Variants in LRRC49 observed in about 807,000 individuals in gnomAD.
The protein encoded by LRRC49 is leucine-rich repeat-containing protein 49.
A neutral mutation model predicts 83.3 loss-of-function variants in LRRC49; 50 were observed. That is an observed-to-expected ratio of 0.60 (90% CI 0.48 to 0.76). The LOEUF (loss-of-function observed/expected upper bound fraction) is 0.76. Among genes scored for constraint, LRRC49 ranks in the 30% least tolerant of loss-of-function variants. The probability of loss-of-function intolerance (pLI) is 0.00; values close to 1 mark genes in which losing one functional copy is unlikely to be tolerated. For synonymous variants in LRRC49, 286 were observed against 283.3 expected, an observed-to-expected ratio of 1.01 and a Z score of -0.10; for missense variants, 704 against 809.1, an observed-to-expected ratio of 0.87 and a Z score of 1.58.
intron 5 of LRRC49, 38 bp downstream of exon 5, chr15:70,904,793 T>A: frequency 6.9e-7 from 1 of 1,446,736 alleles, no homozygotes; most frequent in Non-Finnish European, 9.6e-7. Context: ...CCTAATGTTA[T>A]GTGTAGGATT....
At chr15:71,008,196 A>G (rs553365505) in intron 11 of LRRC49, among the ~76,000 whole-genome samples, 183 bp from the exon 12 acceptor site, 1 of 152,074 alleles carries the variant, frequency 6.6e-6, no homozygotes, top group South Asian at 2.1e-4. Flanking sequence ...AAATTAAAAT[A>G]TATGATTAGA....
At chr15:70,887,070 T>A (rs1344250021) in intron 2 of LRRC49, among the ~76,000 whole-genome samples, 1 of 152,076 alleles carries the variant, frequency 6.6e-6, no homozygotes, top group Non-Finnish European at 1.5e-5. Flanking sequence ...ATACTATTTA[T>A]CAAAATGGAT....
At chr15:70,977,011 C>G (rs552638371) in intron 9 of LRRC49, among the ~76,000 whole-genome samples, 1 of 152,222 alleles carries the variant, frequency 6.6e-6, no homozygotes, top group South Asian at 2.1e-4. Context: ...AGCTCAAATT[C>G]TTTTCAAAAA....
chr15:71,012,063 C>CAGTTATTT (rs1164062552), intron 13 of LRRC49, among the ~76,000 whole-genome samples: 5 of 152,072 alleles, frequency 3.3e-5, no homozygotes, highest in African/African-American at 4.8e-5. Context: ...AACATGTCTC[C>CAGTTATTT]AGACATTGCC....
chr15:71,029,296 A>G (rs149620386), intron 14 of LRRC49, among the ~76,000 whole-genome samples: 1 of 152,164 alleles, frequency 6.6e-6, no homozygotes, highest in East Asian at 1.9e-4. Context: ...TTCAATTTCC[A>G]TGTAGTCCCA....
intron 8 of LRRC49, among the ~76,000 whole-genome samples, chr15:70,937,859 C>T (rs1326105355): frequency 6.6e-6 from 1 of 152,044 alleles, no homozygotes; most frequent in Non-Finnish European, 1.5e-5. Flanking sequence ...TCATATTCCT[C>T]TTAGTATATT....
At chr15:70,967,425 A>G (rs575553718) in intron 9 of LRRC49, among the ~76,000 whole-genome samples, 3 of 152,216 alleles carry the variant, frequency 2.0e-5, no homozygotes, top group East Asian at 3.9e-4. Context: ...AGAAGCAAGG[A>G]GATTAATCAG....
At chr15:70,945,521 G>C (rs1246324088) in intron 8 of LRRC49, among the ~76,000 whole-genome samples, 2 of 97,642 alleles carry the variant, frequency 2.0e-5, no homozygotes, top group African/African-American at 8.3e-5. Flanking sequence ...TTAACAACCT[G>C]TGTGTGTGTG....
intron 8 of LRRC49, among the ~76,000 whole-genome samples, chr15:70,954,495 A>AGACAT (rs1488426703): frequency 6.6e-6 from 1 of 152,196 alleles, no homozygotes; most frequent in African/African-American, 2.4e-5. Flanking sequence ...GGAGGTAAGA[A>AGACAT]GACATGCTGG....
At chr15:71,043,074 C>CT (rs1411818989) in intron 15 of LRRC49, among the ~76,000 whole-genome samples, 1 of 152,114 alleles carries the variant, frequency 6.6e-6, no homozygotes, top group Non-Finnish European at 1.5e-5. Context: ...TTTTAGTTGA[C>CT]TTTTTATATG....
In LRRC49 at chr15:70,859,614, A is replaced by C. The variant is rs2032736921; in HGVS notation, c.-299+6145A>C. ...GCTGGGAAGCTTGGGCATGACCTGC[A>C]GCCTATAAAGACTGAGATCTCCGAG... is the stretch of plus-strand genomic sequence containing the variant. On this transcript the variant is annotated intron_variant, in intron 1 of 16. Coordinates refer to the LRRC49 transcript ENST00000544974. 3.7e-5 allele frequency: 24 copies of C among 642,200 alleles called. 1 individual carries two copies. Among genetic ancestry groups the C allele is most frequent in the South Asian group, 3.1e-4 (22 of 71,374 alleles). The allele number at this position is 642,200 out of a possible 1,614,324, so 39.8% of individuals were successfully genotyped here.
chr15:70,964,971 G>A (rs1004894403), intron 9 of LRRC49, among the ~76,000 whole-genome samples: 2 of 152,144 alleles, frequency 1.3e-5, no homozygotes, highest in African/African-American at 4.8e-5. Flanking sequence ...TAAAAGTGTG[G>A]ATGAATTGAT....
Position 70,931,182 on chromosome 15 carries a change from T to TA in LRRC49, c.712-5578dup, listed in dbSNP as rs1419492707. Among the ~76,000 whole-genome samples, 11 of 152,268 alleles carry TA rather than the reference T, an allele frequency of 7.2e-5. No individual in the cohort carries two copies. The East Asian group carries it at 2.1e-3, about 29-fold the overall frequency. On this transcript the variant is annotated intron_variant, in intron 7 of 15. Transcript: ENST00000260382. The stretch of plus-strand genomic sequence containing the variant: ...TAACTCATTTTTTCACTTGAGCACT[T>TA]AGAGACCATTGTAGGGGTTATTAAT...
intron 3 of LRRC49, among the ~76,000 whole-genome samples, 190 bp downstream of exon 3, chr15:70,896,126 CA>C (rs2033826378): frequency 6.6e-6 from 1 of 151,788 alleles, no homozygotes; most frequent in South Asian, 2.1e-4. Context: ...ATTTCCAATA[CA>C]GAAAAAAGCT....
rs535278879 is a variant in LRRC49, at chr15:70,990,438, C to T, written c.1169+6181C>T. ...TCCGTGGGCATAGGACCCTCCGAGC[C>T]AGGTGCGGGATATAATCTCCTGGTG... is the stretch of plus-strand genomic sequence containing the variant. On this transcript the variant is annotated intron_variant, in intron 11 of 15. Coordinates refer to ENST00000260382, the MANE Select transcript of LRRC49 (RefSeq NM_017691.5). 9.2e-5 allele frequency among the ~76,000 whole-genome samples: 14 copies of T among 152,314 alleles called. No homozygotes were observed. In the South Asian group the frequency reaches 2.3e-3, roughly 25 times the overall value.
At chr15:71,039,924 C>T (rs2039646635) in intron 15 of LRRC49, among the ~76,000 whole-genome samples, 1 of 152,148 alleles carries the variant, frequency 6.6e-6, no homozygotes, top group African/African-American at 2.4e-5. Flanking sequence ...GTTTTCAATA[C>T]AGACAGCATA....
Position 70,882,779 on chromosome 15 carries a change from G to A in LRRC49, c.18+9556G>A, listed in dbSNP as rs755854309. 6.8e-6 allele frequency: 11 copies of A among 1,614,118 alleles called. No individual in the cohort carries two copies. The highest frequency in any genetic ancestry group is 1.7e-4 in the Middle Eastern group (1 of 6,060). ...AACATACCCACACTACGGTGACGGG[G>A]CCTTTTCAAAGAAATTTGTGTACTT... On this transcript the variant is annotated intron_variant, in intron 2 of 16. Transcript: ENST00000544974.
At chr15:70,977,596 C>T (rs1361098137) in intron 9 of LRRC49, among the ~76,000 whole-genome samples, 3 of 152,084 alleles carry the variant, frequency 2.0e-5, no homozygotes, top group African/African-American at 7.2e-5. Context: ...AGTGAGCTGA[C>T]ATTGCACCAT....
At chr15:70,988,988 G>A (rs1431260928) in intron 11 of LRRC49, among the ~76,000 whole-genome samples, 1 of 152,184 alleles carries the variant, frequency 6.6e-6, no homozygotes, top group African/African-American at 2.4e-5. Flanking sequence ...GGCTTGTAGA[G>A]TTTCTGCTGA....
Sources: allele counts gnomAD v4.1 joint callset (sites outside exome capture counted in the v4.1 genomes callset), GRCh38; gene constraint gnomAD v4.1.1; transcripts MANE v1.5; gene names NCBI Gene and HGNC (gene_info 2026-07-23, HGNC 2026-07-21).